LAMC3: variants seen among roughly 807,000 people sequenced by gnomAD.
The protein encoded by LAMC3 is laminin subunit gamma-3.
Under a neutral mutation model 173.8 loss-of-function variants are expected in LAMC3, and 128 were observed. The ratio of observed to expected loss-of-function variants is 0.74; its 90% CI spans 0.64 to 0.85. LAMC3 has a LOEUF of 0.85. Ranked by LOEUF, LAMC3 falls within the 40% of genes least tolerant of loss-of-function variation. The pLI is 0.00. For synonymous variants in LAMC3, 897 were observed against 909.1 expected, an observed-to-expected ratio of 0.99 and a Z score of 0.24; for missense variants, 2,022 against 2,156.0, an observed-to-expected ratio of 0.94 and a Z score of 1.23.
rs182184533 is a variant in LAMC3, at chr9:131,045,680, A to C, written c.1519+20A>C. The C allele has an allele frequency of 3.7e-6, 6 of 1,613,680 alleles. No individual in the cohort carries two copies. The East Asian group carries it at 1.3e-4, about 36-fold the overall frequency. On this transcript the variant is annotated intron_variant, in intron 8 of 27. Coordinates refer to ENST00000361069, the MANE Select transcript of LAMC3 (RefSeq NM_006059.4). ...ACCAGGGTAAGAGATGCTCCCTGCA[A>C]ACGCCTCCCAAGGGTCTGCTCCCAG...
chr9:131,011,373 C>T (rs532756361), intron 1 of LAMC3, among the ~76,000 whole-genome samples: 4 of 152,300 alleles, frequency 2.6e-5, no homozygotes, highest in African/African-American at 4.8e-5. Flanking sequence ...AGCATCTGAG[C>T]GTGGACATCC....
Position 131,026,572 on chromosome 9 carries a change from G to T in LAMC3, c.661G>T (p.Glu221Ter). ...CCGGCCCAGCGCCTACAACTTCGAG[G>T]AGAGCCCTGGGCTGCAGGTCAGGGA... The part of the protein sequence containing the change: ...EGRPSAYNFE[E>*]SPGLQEWVTS... Residue 221 changes from glutamate (E) to a stop codon, truncating the protein, a stop_gained, in exon 2 of 28, where the codon GAG becomes TAG. Coordinates refer to ENST00000361069, the MANE Select transcript of LAMC3 (RefSeq NM_006059.4). LOFTEE classifies it high-confidence loss of function. The surrounding 1 kb of genome is among the most constrained non-coding windows in gnomAD (Gnocchi z 4.8). The T allele has an allele frequency of 6.3e-7, 1 of 1,599,906 alleles. No individual in the cohort carries two copies. The highest frequency in any genetic ancestry group is 2.2e-5 in the East Asian group (1 of 44,462).
Position 131,046,180 on chromosome 9 carries a change from CTTTTTTTTTTTTT to C in LAMC3, c.1519+537_1519+549del, listed in dbSNP as rs61108655. On this transcript the variant is annotated intron_variant, in intron 8 of 27. Transcript: ENST00000361069. The stretch of plus-strand genomic sequence containing the variant: ...ATTTGTCAGCTCCTGAGTTTTGCTC[CTTTTTTTTTTTTT>C]TTTTTTTTTTTTTTTTGGACACAGG... 7.6e-4 allele frequency among the ~76,000 whole-genome samples: 58 copies of C among 76,542 alleles called. 1 individual carries two copies. The highest frequency in any genetic ancestry group is 1.1e-3 in the Non-Finnish European group (49 of 43,490). 50.2% of individuals were successfully genotyped at this position (76,542 alleles called of 152,430 possible). A position where few individuals can be genotyped will look rare whatever the true frequency, so the allele number is the denominator to read the frequency against.
At chr9:131,068,623 G>T (rs1048088017) in intron 15 of LAMC3, among the ~76,000 whole-genome samples, 6 of 152,186 alleles carry the variant, frequency 3.9e-5, no homozygotes, top group African/African-American at 1.4e-4. Context: ...ACTTCTCAGA[G>T]CTCTTACTAT....
chr9:131,043,997 T>C (rs1354030029), intron 7 of LAMC3, among the ~76,000 whole-genome samples: 2 of 151,408 alleles, frequency 1.3e-5, no homozygotes, highest in Admixed American at 6.6e-5. Context: ...TTCGCTCTTT[T>C]GCTCAGGCTG....
At chr9:131,047,128 G>T (rs1040890881) in intron 8 of LAMC3, among the ~76,000 whole-genome samples, 1 of 149,314 alleles carries the variant, frequency 6.7e-6, no homozygotes, top group Admixed American at 6.7e-5. Context: ...TTGCCCTTGC[G>T]CAGGAGTTCT....
chr9:131,045,722 T>G, intron 8 of LAMC3, 62 bp downstream of exon 8: 1 of 1,584,592 alleles, frequency 6.3e-7, no homozygotes, highest in Non-Finnish European at 8.6e-7. Flanking sequence ...CAGGTGATCC[T>G]GCCCTGGGGA....
chr9:131,035,478 A>C (rs536338672), intron 3 of LAMC3, among the ~76,000 whole-genome samples: 1 of 152,282 alleles, frequency 6.6e-6, no homozygotes, highest in South Asian at 2.1e-4. Flanking sequence ...ACCAGATCTC[A>C]TGAGAACTCA....
intron 4 of LAMC3, among the ~76,000 whole-genome samples, chr9:131,037,220 A>G (rs1309965211): frequency 6.6e-6 from 1 of 152,104 alleles, no homozygotes; most frequent in Admixed American, 6.5e-5. Flanking sequence ...CATGGTGGGG[A>G]CACAGAGGCC....
At chr9:131,015,338 C>A (rs1020031724) in intron 1 of LAMC3, among the ~76,000 whole-genome samples, 1 of 152,182 alleles carries the variant, frequency 6.6e-6, no homozygotes, top group African/African-American at 2.4e-5. Flanking sequence ...TCCTCCCAGC[C>A]CAACCCTGCC....
chr9:131,025,874 T>C (rs1243674792), intron 1 of LAMC3, among the ~76,000 whole-genome samples: 1 of 152,142 alleles, frequency 6.6e-6, no homozygotes, highest in Non-Finnish European at 1.5e-5. Context: ...TGCAAGGGAA[T>C]GAGGCCGAAG....
intron 17 of LAMC3, among the ~76,000 whole-genome samples, chr9:131,070,366 G>T (rs1400463824): frequency 6.6e-6 from 1 of 152,190 alleles, no homozygotes; most frequent in Non-Finnish European, 1.5e-5. Flanking sequence ...TCCTTTTCTA[G>T]AAACCAGTGG....
At chr9:131,068,445 A>G (rs545393936) in intron 15 of LAMC3, among the ~76,000 whole-genome samples, 1 of 152,284 alleles carries the variant, frequency 6.6e-6, no homozygotes, top group South Asian at 2.1e-4. Flanking sequence ...AGCAGCCCTA[A>G]AGGGTGTCCA....
At chr9:131,024,406 A>G (rs1317452789) in intron 1 of LAMC3, among the ~76,000 whole-genome samples, 2 of 152,074 alleles carry the variant, frequency 1.3e-5, no homozygotes, top group African/African-American at 2.4e-5. Flanking sequence ...TCGGCCTCCC[A>G]AAGTGCTAGG....
intron 27 of LAMC3, among the ~76,000 whole-genome samples, chr9:131,088,256 CCTT>C (rs1416731518): frequency 6.6e-6 from 1 of 152,116 alleles, no homozygotes; most frequent in Admixed American, 6.6e-5. Flanking sequence ...TGGCTCTGTC[CCTT>C]CTTTGGCCAT....
At chr9:131,032,532 C>T (rs1564368313) in intron 3 of LAMC3, among the ~76,000 whole-genome samples, 3 of 66,096 alleles carry the variant, frequency 4.5e-5, no homozygotes, top group African/African-American at 1.3e-4. Flanking sequence ...CTCTCTCTCG[C>T]TGTCTCTCTC....
rs1443792961 is a variant in LAMC3 at position 131,079,244 on chromosome 9, A to C, written c.3873A>C (p.Arg1291=). ...AGCACATGGCCACTGAGGCTGCCCG[A>C]ACCCTCCAGACTGCTGCCCAGGCGA... ...SWQHMATEAA[R]TLQTAAQATL... is the part of the protein sequence containing the mutation. Residue 1291 remains arginine (R), a synonymous_variant, in exon 23 of 28, where the codon CGA becomes CGC. Coordinates refer to ENST00000361069, the MANE Select transcript of LAMC3 (RefSeq NM_006059.4). 6.2e-7 allele frequency: 1 copy of C among 1,614,208 alleles called. No individual in the cohort carries two copies. Among genetic ancestry groups the C allele is most frequent in the Non-Finnish European group, 8.5e-7 (1 of 1,180,030 alleles).
chr9:131,085,830 T>G, intron 25 of LAMC3, 107 bp downstream of exon 25: 2 of 1,073,382 alleles, frequency 1.9e-6, no homozygotes, highest in Admixed American at 3.9e-5. Context: ...ACTCACTCAC[T>G]GCTCAGTGGG....
intron 8 of LAMC3, among the ~76,000 whole-genome samples, chr9:131,045,922 G>C (rs1161751175): frequency 6.6e-6 from 1 of 152,194 alleles, no homozygotes; most frequent in Non-Finnish European, 1.5e-5. Flanking sequence ...TTTGGATCCT[G>C]TAGGGGAATT....
Sources: gnomAD v4.1 joint callset for allele counts (sites outside exome capture counted in the v4.1 genomes callset) on GRCh38, gnomAD v4.1.1 for gene constraint, Gnocchi (gnomAD v3.1) non-coding constraint, MANE v1.5 for transcripts, NCBI Gene and HGNC (gene_info 2026-07-23, HGNC 2026-07-21) for gene names.